IFT81: variants seen among roughly 807,000 people sequenced by gnomAD.
IFT81 encodes the protein intraflagellar transport protein 81 homolog.
A neutral mutation model predicts 102.6 loss-of-function variants in IFT81; 72 were observed. That is an observed-to-expected ratio of 0.70 (90% CI 0.58 to 0.85). IFT81 has a LOEUF of 0.85. Ranked by LOEUF, IFT81 falls within the 40% of genes least tolerant of loss-of-function variation. The probability of loss-of-function intolerance (pLI) is 0.00; values close to 1 mark genes in which losing one functional copy is unlikely to be tolerated. For missense variants in IFT81, 723 were observed against 787.3 expected (o/e 0.92, Z 0.98); for synonymous variants, 237 against 242.7 (o/e 0.98, Z 0.22).
Position 110,205,693 on chromosome 12 carries a change from G to A in IFT81, c.1802+13G>A. On this transcript the variant is annotated intron_variant, in intron 17 of 18. Transcript: ENST00000242591. ...GAAAGGCAATTAGGCAAGTGATTTTGTTGTTTTATATTGAGATACTTAATA... is the reference window on the plus strand; with the variant it reads ...GAAAGGCAATTAGGCAAGTGATTTTATTGTTTTATATTGAGATACTTAATA... The A allele has an allele frequency of 1.3e-6, 2 of 1,538,504 alleles. No individual in the cohort carries two copies. Among genetic ancestry groups the A allele is most frequent in the Non-Finnish European group, 1.8e-6 (2 of 1,133,616 alleles).
chr12:110,157,414 G>A (rs1412604447), intron 10 of IFT81, among the ~76,000 whole-genome samples: 1 of 150,502 alleles, frequency 6.6e-6, no homozygotes, highest in Non-Finnish European at 1.5e-5. Context: ...GAAAGGAAGT[G>A]CACTTGGAAG....
chr12:110,176,764 T>G (rs113356197), intron 11 of IFT81, among the ~76,000 whole-genome samples: 1,538 of 152,362 alleles, frequency 0.01, 5 homozygotes, highest in African/African-American at 0.013. Context: ...CTTCCATTAG[T>G]TATTATATAT....
intron 14 of IFT81, among the ~76,000 whole-genome samples, chr12:110,199,802 T>C (rs945471544): frequency 6.6e-6 from 1 of 152,202 alleles, no homozygotes; most frequent in Non-Finnish European, 1.5e-5. Context: ...TCATCTGTGC[T>C]AACTATCCTG....
chr12:110,170,917 T>C (rs1421071993), intron 11 of IFT81, among the ~76,000 whole-genome samples: 2 of 152,188 alleles, frequency 1.3e-5, no homozygotes, highest in African/African-American at 4.8e-5. Flanking sequence ...GAAATCTTCT[T>C]TAAATACTTC....
chr12:110,185,238 T>C (rs1897474137), intron 12 of IFT81, among the ~76,000 whole-genome samples: 1 of 152,098 alleles, frequency 6.6e-6, no homozygotes, highest in Admixed American at 6.5e-5. Flanking sequence ...CAAGCTGGAG[T>C]GCAGTGGCAC....
At chr12:110,179,724 T>TTATATATATATA (rs751481208) in intron 11 of IFT81, among the ~76,000 whole-genome samples, 2 of 48,714 alleles carry the variant, frequency 4.1e-5, no homozygotes, top group African/African-American at 5.8e-5. Context: ...TATCTCGAAA[T>TTATATATATATA]TATATATATA....
At chr12:110,202,990 G>A (rs570620876) in intron 14 of IFT81, among the ~76,000 whole-genome samples, 2 of 152,112 alleles carry the variant, frequency 1.3e-5, no homozygotes, top group African/African-American at 2.4e-5. Context: ...CATAGGCTGG[G>A]TGCGGTGGCT....
intron 18 of IFT81, among the ~76,000 whole-genome samples, chr12:110,212,169 G>C (rs958681730): frequency 2.0e-5 from 3 of 148,444 alleles, no homozygotes; most frequent in Non-Finnish European, 4.5e-5. Flanking sequence ...AAACCTATAA[G>C]TAAACTTAAG....
In IFT81 at chr12:110,143,510, A is replaced by T. The variant is rs763317803; in HGVS notation, c.910A>T (p.Met304Leu). The T allele has an allele frequency of 6.4e-6, 10 of 1,555,150 alleles. No individual in the cohort carries two copies. Among genetic ancestry groups the T allele is most frequent in the Non-Finnish European group, 8.6e-6 (10 of 1,161,950 alleles). The change falls in exon 9 of 19, where the codon ATG becomes TTG. Residue 304 changes from methionine to leucine, a missense_variant. Coordinates refer to ENST00000242591, the MANE Select transcript of IFT81 (RefSeq NM_014055.4). ...FLQKVVSEPAMGHSDLLELES... is the reference protein window; with the variant it reads ...FLQKVVSEPALGHSDLLELES... ...ACAAAAAGTAGTTTCAGAGCCAGCTATGGGCCATTCTGATCTTCTTGAACT... is the reference window on the plus strand; with the variant it reads ...ACAAAAAGTAGTTTCAGAGCCAGCTTTGGGCCATTCTGATCTTCTTGAACT...
chr12:110,205,260 A>T (rs1412804736), intron 15 of IFT81, 183 bp from the exon 16 acceptor site: 1 of 516,516 alleles, frequency 1.9e-6, no homozygotes, highest in Admixed American at 4.1e-5. Flanking sequence ...CTTGCAGGTT[A>T]TAGAGTGATA....
At position 110,127,345 on chromosome 12, in the gene IFT81, A is replaced by G; in HGVS notation, c.-21-15A>G. The stretch of plus-strand genomic sequence containing the variant: ...GCCAGTATTAAGGATTTTTTTTTCT[A>G]TTTTTACTCTTTAGTTAAAATTATA... On this transcript the variant is annotated splice_polypyrimidine_tract_variant and intron_variant, in intron 1 of 18. Coordinates refer to ENST00000242591, the MANE Select transcript of IFT81 (RefSeq NM_014055.4). 1.4e-6 allele frequency: 2 copies of G among 1,446,718 alleles called. No homozygotes were observed. Among genetic ancestry groups the G allele is most frequent in the Non-Finnish European group, 1.8e-6 (2 of 1,101,918 alleles). 89.6% of individuals were successfully genotyped at this position (1,446,718 alleles called of 1,614,324 possible).
In IFT81 at chr12:110,215,839, T is replaced by G. The variant is rs77342912; in HGVS notation, c.1849-2205T>G. On this transcript the variant is annotated intron_variant, in intron 18 of 18. Coordinates refer to ENST00000242591, the MANE Select transcript of IFT81 (RefSeq NM_014055.4). Reference sequence around the variant, plus strand: ...AGATTCTTTTATTCCTGTTTAAAATTTTAGAGTCAATGAGTAAAACAGTTT... The same window carrying G: ...AGATTCTTTTATTCCTGTTTAAAATGTTAGAGTCAATGAGTAAAACAGTTT... Among the ~76,000 whole-genome samples, 39 of 152,126 alleles carry G rather than the reference T, an allele frequency of 2.6e-4. No homozygotes were observed. The East Asian group carries it at 6.4e-3, about 25-fold the overall frequency.
chr12:110,164,790 A>G (rs908353463), intron 11 of IFT81, among the ~76,000 whole-genome samples: 5 of 152,356 alleles, frequency 3.3e-5, no homozygotes, highest in Non-Finnish European at 4.4e-5. Flanking sequence ...CTGGAAGTCA[A>G]CAGTGTATGC....
intron 9 of IFT81, among the ~76,000 whole-genome samples, chr12:110,144,076 C>A (rs551039739): frequency 1.4e-5 from 2 of 138,090 alleles, no homozygotes; most frequent in Non-Finnish European, 3.0e-5. Flanking sequence ...GTGGCACAAT[C>A]TTCTCAGCTC....
intron 10 of IFT81, among the ~76,000 whole-genome samples, chr12:110,148,777 A>G (rs938464543): frequency 7.9e-5 from 12 of 152,252 alleles, no homozygotes; most frequent in African/African-American, 2.6e-4. Flanking sequence ...CTGGCCCTGG[A>G]CTACTTTTAT....
chr12:110,126,949 C>G (rs1795878126), intron 1 of IFT81, among the ~76,000 whole-genome samples: 1 of 152,210 alleles, frequency 6.6e-6, no homozygotes, highest in African/African-American at 2.4e-5. Context: ...AGTAAAAAAT[C>G]TCTCAATGTT....
chr12:110,148,137 T>C (rs1198676779), intron 10 of IFT81, among the ~76,000 whole-genome samples: 1 of 152,210 alleles, frequency 6.6e-6, no homozygotes, highest in African/African-American at 2.4e-5. Flanking sequence ...ATCTATTTAG[T>C]GCTTTTTGGC....
intron 14 of IFT81, among the ~76,000 whole-genome samples, chr12:110,202,860 G>A (rs926540184): frequency 1.3e-5 from 2 of 152,164 alleles, no homozygotes; most frequent in Admixed American, 1.3e-4. Flanking sequence ...GTGCCGTTTT[G>A]AGATTTAGTT....
intron 14 of IFT81, among the ~76,000 whole-genome samples, chr12:110,197,309 G>A (rs1898049120): frequency 6.6e-6 from 1 of 151,824 alleles, no homozygotes; most frequent in Admixed American, 6.6e-5. Flanking sequence ...TTGTGTGGGT[G>A]TAGTTTCTTA....
Sources: gnomAD v4.1 joint callset for allele counts (sites outside exome capture counted in the v4.1 genomes callset) on GRCh38, gnomAD v4.1.1 for gene constraint, MANE v1.5 for transcripts, NCBI Gene and HGNC (gene_info 2026-07-23, HGNC 2026-07-21) for gene names.